CDCP1: variants seen among roughly 807,000 people sequenced by gnomAD.
The protein encoded by CDCP1 is CUB domain containing protein 1.
Under a neutral mutation model 60.2 loss-of-function variants are expected in CDCP1, and 29 were observed. That is an observed-to-expected ratio of 0.48 (90% CI 0.36 to 0.66). The LOEUF (loss-of-function observed/expected upper bound fraction) is 0.66, where lower values mean the gene tolerates loss of function less well. Among genes scored for constraint, CDCP1 ranks in the 30% least tolerant of loss-of-function variants. CDCP1 has a pLI of 0.00. For missense variants in CDCP1, 876 were observed against 1,074.3 expected (o/e 0.82, Z 2.58); for synonymous variants, 387 against 431.1 (o/e 0.90, Z 1.27).
chr3:45,108,783 A>T (rs1186304163), intron 4 of CDCP1, among the ~76,000 whole-genome samples: 5 of 45,964 alleles, frequency 1.1e-4, no homozygotes, highest in South Asian at 9.1e-4. Flanking sequence ...ATGTATACAT[A>T]TATATGCATG....
At chr3:45,103,408 A>C (rs1020797915) in intron 4 of CDCP1, among the ~76,000 whole-genome samples, 1 of 152,116 alleles carries the variant, frequency 6.6e-6, no homozygotes, top group African/African-American at 2.4e-5. Context: ...GATTGTTTTC[A>C]GTTTTTGACT....
chr3:45,124,770 A>G (rs2126003025), intron 1 of CDCP1, among the ~76,000 whole-genome samples: 1 of 152,258 alleles, frequency 6.6e-6, no homozygotes, highest in South Asian at 2.1e-4. Context: ...ACGTTTCATT[A>G]AATTGTGGAT....
chr3:45,088,709 A>C (rs185719807), intron 8 of CDCP1, among the ~76,000 whole-genome samples: 307 of 152,282 alleles, frequency 2.0e-3, no homozygotes, highest in Non-Finnish European at 3.3e-3. Context: ...TCAGAGGCAC[A>C]GTCTGGCAGA....
chr3:45,091,562 A>G lies in CDCP1; in HGVS notation c.1628-24T>C, dbSNP rs748609033. On this transcript the variant is annotated intron_variant, in intron 6 of 8. Coordinates refer to ENST00000296129, the MANE Select transcript of CDCP1 (RefSeq NM_022842.5). The surrounding 1 kb of genome is among the most constrained non-coding windows in gnomAD (Gnocchi z 4.8). ...CTCTGCAGGAAAGGGAGGGAGATCC[A>G]GACAGATGTTTCATTCAGTCAACAT... 1.9e-6 allele frequency: 3 copies of G among 1,571,668 alleles called. No homozygotes were observed. In the Admixed American group the frequency reaches 5.2e-5, roughly 27 times the overall value.
intron 1 of CDCP1, among the ~76,000 whole-genome samples, chr3:45,141,542 G>T (rs1237586234): frequency 6.6e-6 from 1 of 152,214 alleles, no homozygotes; most frequent in Non-Finnish European, 1.5e-5. Flanking sequence ...ATGGATTACT[G>T]ATGTTAATCA....
At chr3:45,096,623 C>CAA (rs5848726) in intron 4 of CDCP1, among the ~76,000 whole-genome samples, 3,868 of 52,516 alleles carry the variant, frequency 0.074, 276 homozygotes, top group Middle Eastern at 0.12. Flanking sequence ...GACTCCGTCT[C>CAA]AAAAAAAAAA....
chr3:45,116,235 C>T (rs1408177880), intron 2 of CDCP1, among the ~76,000 whole-genome samples: 2 of 33,090 alleles, frequency 6.0e-5, no homozygotes, highest in Non-Finnish European at 1.1e-4. Context: ...TCATACTGTT[C>T]TGTTAAAAAA....
intron 1 of CDCP1, among the ~76,000 whole-genome samples, chr3:45,141,243 T>C (rs1228669620): frequency 6.6e-6 from 1 of 151,672 alleles, no homozygotes; most frequent in Non-Finnish European, 1.5e-5. Flanking sequence ...ACACCCCAAG[T>C]GTCAAAAATG....
At chr3:45,109,389 G>A (rs917129413) in intron 4 of CDCP1, among the ~76,000 whole-genome samples, 4 of 152,084 alleles carry the variant, frequency 2.6e-5, no homozygotes, top group Admixed American at 6.6e-5. Flanking sequence ...ACAGCAGCAC[G>A]CCATTCCACA....
intron 1 of CDCP1, 22 bp downstream of exon 1, chr3:45,146,184 G>A: frequency 1.3e-6 from 2 of 1,573,206 alleles, no homozygotes; most frequent in South Asian, 1.2e-5. Flanking sequence ...CACGCCATCC[G>A]CCTCCAAAGC....
chr3:45,117,755 C>T (rs1358598060), intron 2 of CDCP1, among the ~76,000 whole-genome samples: 1 of 152,112 alleles, frequency 6.6e-6, no homozygotes, highest in East Asian at 1.9e-4. Flanking sequence ...TGCCACCACC[C>T]CTGGCTAATT....
chr3:45,139,800 T>C (rs1195732075), intron 1 of CDCP1, among the ~76,000 whole-genome samples: 1 of 152,150 alleles, frequency 6.6e-6, no homozygotes, highest in Non-Finnish European at 1.5e-5. Context: ...CATTATGTTG[T>C]TTGGTTCTTG....
At chr3:45,094,084 C>T (rs1258894856) in intron 5 of CDCP1, among the ~76,000 whole-genome samples, 1 of 152,142 alleles carries the variant, frequency 6.6e-6, no homozygotes, top group Admixed American at 6.5e-5. Flanking sequence ...TCTTCTGGCT[C>T]TGCCACTTCC....
In CDCP1 at chr3:45,126,251, TTCTC is replaced by T. The variant is rs140448669; in HGVS notation, c.83-7634_83-7631del. The stretch of plus-strand genomic sequence containing the variant: ...CCTTCCTTTCTTCCTTCCTTCCTTC[TTCTC>T]TCTCTCTCTCTCTGTTTCTTTTTTT... On this transcript the variant is annotated intron_variant, in intron 1 of 8. Transcript: ENST00000296129. 8.9e-4 allele frequency among the ~76,000 whole-genome samples: 127 copies of T among 143,154 alleles called. 1 individual carries two copies. Among genetic ancestry groups the T allele is most frequent in the Non-Finnish European group, 1.5e-3 (99 of 65,646 alleles). 93.9% of individuals were successfully genotyped at this position (143,154 alleles called of 152,430 possible). A position where few individuals can be genotyped will look rare whatever the true frequency, so the allele number is the denominator to read the frequency against.
intron 2 of CDCP1, among the ~76,000 whole-genome samples, chr3:45,112,708 C>A (rs1269889505): frequency 6.6e-6 from 1 of 152,188 alleles, no homozygotes; most frequent in Non-Finnish European, 1.5e-5. Flanking sequence ...CCCCTCATGC[C>A]CATCCCAAGG....
At chr3:45,120,256 C>A (rs1359771932) in intron 1 of CDCP1, among the ~76,000 whole-genome samples, 2 of 145,884 alleles carry the variant, frequency 1.4e-5, no homozygotes, top group African/African-American at 5.2e-5. Flanking sequence ...ATTTCTGTCA[C>A]CCTTTTCTTG....
chr3:45,115,125 G>C (rs371567875), intron 2 of CDCP1, among the ~76,000 whole-genome samples: 254 of 151,560 alleles, frequency 1.7e-3, no homozygotes, highest in African/African-American at 5.3e-3. Flanking sequence ...AGCTACCCCA[G>C]AGGCTGAGGT....
At chr3:45,131,015 T>A (rs572222665) in intron 1 of CDCP1, among the ~76,000 whole-genome samples, 1 of 152,228 alleles carries the variant, frequency 6.6e-6, no homozygotes, top group Non-Finnish European at 1.5e-5. Flanking sequence ...CACCAGCGAA[T>A]GACACCATGC....
At chr3:45,109,429 C>T (rs1377747890) in intron 4 of CDCP1, among the ~76,000 whole-genome samples, 1 of 152,044 alleles carries the variant, frequency 6.6e-6, no homozygotes, top group Middle Eastern at 3.2e-3. Context: ...CCTGGCTCTG[C>T]CTACTTCCTA....
Sources: allele counts gnomAD v4.1 joint callset (sites outside exome capture counted in the v4.1 genomes callset), GRCh38; gene constraint gnomAD v4.1.1; non-coding constraint Gnocchi (gnomAD v3.1); transcripts MANE v1.5; gene names NCBI Gene and HGNC (gene_info 2026-07-23, HGNC 2026-07-21).